Variants in DCAF1 observed in about 807,000 individuals in gnomAD.
DCAF1 encodes the protein DDB1 and CUL4 associated factor 1.
Under a neutral mutation model 128.0 loss-of-function variants are expected in DCAF1, and 15 were observed. The observed-to-expected ratio is 0.12, with a 90% CI of 0.08 to 0.18. The LOEUF (loss-of-function observed/expected upper bound fraction) is 0.18, where lower values mean the gene tolerates loss of function less well. Ranked by LOEUF, DCAF1 falls within the 10% of genes least tolerant of loss-of-function variation. The pLI is 1.00. For missense variants in DCAF1, 988 were observed against 1,649.5 expected (o/e 0.60, Z 6.95); for synonymous variants, 610 against 603.0 (o/e 1.01, Z -0.17).
Position 51,441,753 on chromosome 3 carries a change from C to T in DCAF1, c.658G>A (p.Asp220Asn). ...DEEAVDMDYG[D>N]MAVDVVDGDQ... ...CCATCCACTACATCTACAGCCATGT[C>T]ACCATAGTCCATATCCACAGCCTCC... The change falls in exon 8 of 25, where the codon GAC becomes AAC. Residue 220 changes from aspartate (D) to asparagine (N), a missense_variant. By Grantham distance (23) the Asp-to-Asn change is conservative (BLOSUM62 1). Coordinates refer to ENST00000684031, the MANE Select transcript of DCAF1 (RefSeq NM_001387579.1). 2 of 1,613,996 alleles carry T rather than the reference C, an allele frequency of 1.2e-6. No homozygotes were observed. Among genetic ancestry groups the T allele is most frequent in the Non-Finnish European group, 8.5e-7 (1 of 1,179,890 alleles).
intron 16 of DCAF1, 129 bp downstream of exon 16, chr3:51,418,549 C>T: frequency 7.0e-7 from 1 of 1,432,058 alleles, no homozygotes. Flanking sequence ...ATGAATTAAC[C>T]TCAACTAGAC....
intron 24 of DCAF1, 91 bp downstream of exon 24, chr3:51,403,052 G>A: frequency 6.7e-7 from 1 of 1,496,320 alleles, no homozygotes; most frequent in Non-Finnish European, 8.9e-7. Flanking sequence ...ACAGAACCGT[G>A]GTATGGCTTG....
At chr3:51,478,041 T>C (rs1553651329) in intron 3 of DCAF1, among the ~76,000 whole-genome samples, 3 of 152,180 alleles carry the variant, frequency 2.0e-5, no homozygotes, top group African/African-American at 7.2e-5. Context: ...AGAGTCTCTC[T>C]TGCCCAGGCT....
chr3:51,448,920 T>C (rs1052334951), intron 6 of DCAF1, among the ~76,000 whole-genome samples: 2 of 151,882 alleles, frequency 1.3e-5, no homozygotes, highest in African/African-American at 4.8e-5. Flanking sequence ...CTTTTATGTT[T>C]TTTTTTTCCC....
chr3:51,407,158 C>CAAAA (rs1477512198), intron 23 of DCAF1, among the ~76,000 whole-genome samples: 11 of 89,430 alleles, frequency 1.2e-4, no homozygotes, highest in African/African-American at 2.3e-4. Flanking sequence ...GACTCCATCT[C>CAAAA]AAAAAAAAAA....
rs368036157 is a variant in DCAF1 at position 51,465,267 on chromosome 3, A to G, written c.261+1536T>C. On this transcript the variant is annotated intron_variant, in intron 5 of 24. Coordinates refer to ENST00000684031, the MANE Select transcript of DCAF1 (RefSeq NM_001387579.1). ...AAGGACACTTTATAGCTGACTAGAC[A>G]AGGACATCGTTACTGAGCTAGAGAA... is the stretch of plus-strand genomic sequence containing the variant. 8.5e-5 allele frequency among the ~76,000 whole-genome samples: 13 copies of G among 152,318 alleles called. No individual in the cohort carries two copies. In the South Asian group the frequency reaches 1.5e-3, roughly 17 times the overall value.
At chr3:51,419,594 G>C in intron 15 of DCAF1, 140 bp downstream of exon 15, 6 of 1,391,542 alleles carry the variant, frequency 4.3e-6, no homozygotes, top group Non-Finnish European at 5.7e-6. Flanking sequence ...TTGACAAAAG[G>C]TGGTACAATT....
rs1193005806 is a variant in DCAF1 at position 51,397,970 on chromosome 3, CTG to C, written c.*797_*798del. 1.2e-5 allele frequency: 2 copies of C among 166,098 alleles called. No individual in the cohort carries two copies. The highest frequency in any genetic ancestry group is 6.6e-5 in the Admixed American group (1 of 15,248). 10.3% of individuals were successfully genotyped at this position (166,098 alleles called of 1,614,324 possible). ...GGAAGAAAAAAAGATTTTTGAAAAA[CTG>C]AATCACAAAGAAAAATAGAGGGAGT... On this transcript the variant is annotated 3_prime_UTR_variant, in exon 25 of 25. Coordinates refer to ENST00000684031, the MANE Select transcript of DCAF1 (RefSeq NM_001387579.1).
At position 51,486,854 on chromosome 3, in the gene DCAF1, G is replaced by A. The variant is rs187855847; in HGVS notation, c.-8-3018C>T. On this transcript the variant is annotated intron_variant, in intron 2 of 24. Transcript: ENST00000684031. ...TCACCATATTGGCCAGGCTGGTCTC[G>A]AACTCCTGACCTCATGATCCGCCTG... is the stretch of plus-strand genomic sequence containing the variant. Among the ~76,000 whole-genome samples the A allele has an allele frequency of 1.8e-3, 271 of 151,778 alleles. 2 individuals carry two copies. The highest frequency in any genetic ancestry group is 4.0e-3 in the Admixed American group (61 of 15,238).
the DCAF1 span, among the ~76,000 whole-genome samples, chr3:51,505,373 A>T: frequency 6.6e-6 from 1 of 152,172 alleles, no homozygotes; most frequent in Non-Finnish European, 1.5e-5. Context: ...AAGGTCAGAG[A>T]CCCACCACAC....
At chr3:51,455,222 T>C (rs569143814) in intron 6 of DCAF1, among the ~76,000 whole-genome samples, 41 of 152,242 alleles carry the variant, frequency 2.7e-4, no homozygotes, top group African/African-American at 8.9e-4. Context: ...CCACGAAGAA[T>C]AGGAAAGAAA....
intron 2 of DCAF1, among the ~76,000 whole-genome samples, chr3:51,494,413 C>T (rs897964758): frequency 3.3e-5 from 5 of 151,866 alleles, no homozygotes; most frequent in African/African-American, 4.8e-5. Context: ...CGCGCCCGGC[C>T]GAGGTTTCCT....
the DCAF1 span, among the ~76,000 whole-genome samples, chr3:51,505,054 G>A: frequency 6.6e-6 from 1 of 152,110 alleles, no homozygotes; most frequent in East Asian, 1.9e-4. Flanking sequence ...CTGAGGTCGA[G>A]AGTTCGAGAC....
intron 6 of DCAF1, among the ~76,000 whole-genome samples, chr3:51,460,710 G>A (rs1374257436): frequency 1.8e-4 from 27 of 152,246 alleles, no homozygotes; most frequent in African/African-American, 5.3e-4. Flanking sequence ...TACCAAAACA[G>A]ATATATAGAC....
At chr3:51,471,111 GAA>G (rs782715852) in intron 3 of DCAF1, 106 bp from the exon 4 acceptor site, 7 of 593,090 alleles carry the variant, frequency 1.2e-5, no homozygotes, top group Non-Finnish European at 2.0e-5. Flanking sequence ...AGCAAAGTTA[GAA>G]AAAGACTATT....
intron 24 of DCAF1, among the ~76,000 whole-genome samples, chr3:51,402,236 A>G (rs1227617091): frequency 6.6e-6 from 1 of 152,194 alleles, no homozygotes; most frequent in Non-Finnish European, 1.5e-5. Context: ...GTTAGGAGGG[A>G]TTAGCCAAAG....
intron 23 of DCAF1, among the ~76,000 whole-genome samples, chr3:51,405,747 A>C (rs1553626415): frequency 6.6e-6 from 1 of 152,228 alleles, no homozygotes; most frequent in Non-Finnish European, 1.5e-5. Flanking sequence ...TCTAGGAAGC[A>C]ATTTTAGGTG....
At chr3:51,480,996 T>C (rs1023869740) in intron 3 of DCAF1, among the ~76,000 whole-genome samples, 5 of 152,206 alleles carry the variant, frequency 3.3e-5, no homozygotes, top group Middle Eastern at 6.8e-3. Context: ...TCTGTTAAGG[T>C]AGAAAGAGTG....
chr3:51,499,400 G>C (rs957948314), intron 1 of DCAF1, among the ~76,000 whole-genome samples: 2 of 152,180 alleles, frequency 1.3e-5, no homozygotes, highest in Non-Finnish European at 2.9e-5. Flanking sequence ...ACGAGGCCGA[G>C]AGACGGGAGA....
Sources: gnomAD v4.1 joint callset for allele counts (sites outside exome capture counted in the v4.1 genomes callset) on GRCh38, gnomAD v4.1.1 for gene constraint, MANE v1.5 for transcripts, NCBI Gene and HGNC (gene_info 2026-07-23, HGNC 2026-07-21) for gene names.